Variants in RHCE observed in about 807,000 individuals in gnomAD.
RHCE encodes the protein blood group Rh(CE) polypeptide.
In RHCE, 22 loss-of-function variants were observed where a neutral mutation model predicts 43.8. The observed-to-expected ratio is 0.50, with a 90% CI of 0.36 to 0.72. The LOEUF (loss-of-function observed/expected upper bound fraction) is 0.72. Ranked by LOEUF, RHCE falls within the 30% of genes least tolerant of loss-of-function variation. The pLI is 0.00. For missense variants in RHCE, 385 were observed against 525.4 expected (o/e 0.73, Z 2.61); for synonymous variants, 156 against 210.7 (o/e 0.74, Z 2.25).
At chr1:25,393,550 G>A (rs898579312) in intron 3 of RHCE, among the ~76,000 whole-genome samples, 3 of 152,210 alleles carry the variant, frequency 2.0e-5, no homozygotes, top group African/African-American at 7.2e-5. Context: ...GAACCTGGGA[G>A]GCAGAGGCTG....
intron 3 of RHCE, among the ~76,000 whole-genome samples, chr1:25,393,999 T>C (rs1422681724): frequency 6.6e-6 from 1 of 152,172 alleles, no homozygotes; most frequent in Non-Finnish European, 1.5e-5. Context: ...TATTTATTTA[T>C]TTATTTTTGA....
chr1:25,404,801 A>C (rs1308501021), intron 2 of RHCE, among the ~76,000 whole-genome samples: 1 of 151,820 alleles, frequency 6.6e-6, no homozygotes, highest in Non-Finnish European at 1.5e-5. Context: ...CGGTAAGGGC[A>C]AAGTGAGTTG....
chr1:25,405,813 A>G lies in RHCE; in HGVS notation c.335+2870T>C, dbSNP rs1646899543. On this transcript the variant is annotated intron_variant, in intron 2 of 9. Transcript: ENST00000294413. ...CTCCCCTGAAGGGACTCAAAACAGAACCAAATCAGTCCCAAGTCAAGTGGC... is the reference window on the plus strand; with the variant it reads ...CTCCCCTGAAGGGACTCAAAACAGAGCCAAATCAGTCCCAAGTCAAGTGGC... Among the ~76,000 whole-genome samples the G allele has an allele frequency of 1.6e-5, 2 of 122,518 alleles. 1 individual carries two copies. The highest frequency in any genetic ancestry group is 8.1e-3 in the Middle Eastern group (2 of 248). The allele number at this position is 122,518 out of a possible 152,430, so 80.4% of individuals were successfully genotyped here. A position where few individuals can be genotyped will look rare whatever the true frequency, so the allele number is the denominator to read the frequency against.
chr1:25,374,535 G>T (rs60199854), intron 8 of RHCE, among the ~76,000 whole-genome samples: 9,400 of 148,760 alleles, frequency 0.063, 902 homozygotes, highest in African/African-American at 0.22. Flanking sequence ...ATAAGGGCCT[G>T]CTCCTCACTA....
At position 25,388,549 on chromosome 1, in the gene RHCE, C is replaced by G. The variant is rs546252239; in HGVS notation, c.939+427G>C. 2.0e-5 allele frequency among the ~76,000 whole-genome samples: 3 copies of G among 151,564 alleles called. No homozygotes were observed. In the East Asian group the frequency reaches 5.8e-4, roughly 30 times the overall value. On this transcript the variant is annotated intron_variant, in intron 6 of 9. Transcript: ENST00000294413. ...TGGGATTGGGGCCAAGAGATTCCAT[C>G]CACCAGGCTGCTTTCTTGAAGCAAA... is the stretch of plus-strand genomic sequence containing the variant.
At chr1:25,378,780 A>T (rs536488090) in intron 7 of RHCE, among the ~76,000 whole-genome samples, 3 of 152,346 alleles carry the variant, frequency 2.0e-5, no homozygotes, top group African/African-American at 7.2e-5. Context: ...TGGCCCTGCA[A>T]GACGTGTTCT....
intron 4 of RHCE, among the ~76,000 whole-genome samples, chr1:25,391,275 C>T (rs112796533): frequency 0.022 from 3,280 of 152,198 alleles, 126 homozygotes; most frequent in African/African-American, 0.074. Flanking sequence ...ACCTCCACCA[C>T]CTGGATTCAA....
intron 6 of RHCE, 112 bp from the exon 7 acceptor site, chr1:25,385,956 G>C (rs1440366053): frequency 3.1e-5 from 47 of 1,506,468 alleles, no homozygotes; most frequent in Non-Finnish European, 4.3e-5. Flanking sequence ...GGGCACTAAG[G>C]CTCACCTCAA....
At chr1:25,388,174 A>T (rs563053640) in intron 6 of RHCE, among the ~76,000 whole-genome samples, 4 of 143,558 alleles carry the variant, frequency 2.8e-5, no homozygotes, top group African/African-American at 1.0e-4. Context: ...CCAGCCTTCG[A>T]AAATCTACTC....
In RHCE at chr1:25,392,058, A is replaced by C; in HGVS notation, c.570T>G (p.Pro190=). 1 of 1,614,156 alleles carries C rather than the reference A, an allele frequency of 6.2e-7. No individual in the cohort carries two copies. Among genetic ancestry groups the C allele is most frequent in the African/African-American group, 1.3e-5 (1 of 75,008 alleles). ...CATTATCCTCCGTTCCCTTGGGTAG[A>C]GGCTTTGGCAGGCACCAGGCCACAG... ...GLTVAWCLPK[P]LPKGTEDNDQ... is the part of the protein sequence containing the mutation. Residue 190 remains proline (P), a synonymous_variant, in exon 4 of 10, where the codon CCT becomes CCG. Coordinates refer to ENST00000294413, the MANE Select transcript of RHCE (RefSeq NM_020485.8).
At chr1:25,422,388 TATAAA>T (rs2042772337), upstream of RHCE, among the ~76,000 whole-genome samples, 2 of 152,148 alleles carry the variant, frequency 1.3e-5, no homozygotes, top group Admixed American at 6.5e-5. Context: ...TTCCCACTCT[TATAAA>T]ATAATATGTT....
At chr1:25,402,868 C>T in intron 2 of RHCE, 122 bp from the exon 3 acceptor site, 2 of 1,414,954 alleles carry the variant, frequency 1.4e-6, no homozygotes, top group Non-Finnish European at 2.0e-6. Flanking sequence ...AAATAGAAGA[C>T]AAGATTTCTA....
intron 3 of RHCE, among the ~76,000 whole-genome samples, chr1:25,393,796 C>T (rs1412212140): frequency 6.6e-6 from 1 of 151,740 alleles, no homozygotes; most frequent in African/African-American, 2.4e-5. Context: ...CTTGCTCATC[C>T]TCAAACCCAC....
intron 8 of RHCE, among the ~76,000 whole-genome samples, chr1:25,373,694 CCACACAACT>C (rs925635349): frequency 6.6e-6 from 1 of 151,688 alleles, no homozygotes; most frequent in Non-Finnish European, 1.5e-5. Flanking sequence ...CCCAATGTCA[CCACACAACT>C]CATAGTGTCT....
intron 2 of RHCE, among the ~76,000 whole-genome samples, chr1:25,426,489 T>C (rs2042806131): frequency 6.6e-6 from 1 of 152,256 alleles, no homozygotes; most frequent in African/African-American, 2.4e-5. Context: ...TTCCCAACTC[T>C]GTTACTATGT....
chr1:25,407,485 GCACAGTTC>G (rs1646952677), intron 2 of RHCE, among the ~76,000 whole-genome samples: 1 of 122,882 alleles, frequency 8.1e-6, no homozygotes, highest in African/African-American at 2.5e-5. Flanking sequence ...GGAGTGCTCA[GCACAGTTC>G]CTGGCTCATA....
At chr1:25,403,182 C>T (rs1404746649) in intron 2 of RHCE, among the ~76,000 whole-genome samples, 1 of 152,196 alleles carries the variant, frequency 6.6e-6, no homozygotes, top group Admixed American at 6.5e-5. Context: ...CCATCCTCAT[C>T]TGGGGCCACT....
At chr1:25,375,979 C>T (rs1470321268) in intron 7 of RHCE, among the ~76,000 whole-genome samples, 4 of 151,750 alleles carry the variant, frequency 2.6e-5, no homozygotes, top group Non-Finnish European at 4.4e-5. Context: ...TTAATAGAGA[C>T]GGGGTTTCAC....
chr1:25,410,585 A>C (rs1250115372), intron 1 of RHCE, among the ~76,000 whole-genome samples: 14 of 151,860 alleles, frequency 9.2e-5, no homozygotes, highest in Admixed American at 2.6e-4. Flanking sequence ...GGCGCGCACC[A>C]CCACGCCTGG....
Sources: allele counts gnomAD v4.1 joint callset (sites outside exome capture counted in the v4.1 genomes callset), GRCh38; gene constraint gnomAD v4.1.1; transcripts MANE v1.5; gene names NCBI Gene and HGNC (gene_info 2026-07-23, HGNC 2026-07-21).